Variants in LPP observed in about 807,000 individuals in gnomAD.
The protein encoded by LPP is LIM domain containing preferred translocation partner in lipoma, also known as lipoma-preferred partner.
In LPP, 38 loss-of-function variants were observed where a neutral mutation model predicts 60.4. The ratio of observed to expected loss-of-function variants is 0.63; its 90% CI spans 0.49 to 0.83. The LOEUF (loss-of-function observed/expected upper bound fraction) is 0.83, where lower values mean the gene tolerates loss of function less well. Ranked by LOEUF, LPP falls within the 40% of genes least tolerant of loss-of-function variation. The pLI is 0.00. For missense variants in LPP, 902 were observed against 783.6 expected, an observed-to-expected ratio of 1.15 and a Z score of -1.80; for synonymous variants, 328 against 290.8, an observed-to-expected ratio of 1.13 and a Z score of -1.30.
In LPP at chr3:188,420,651, C is replaced by G. The variant is rs558819595; in HGVS notation, c.193+14338C>G. On this transcript the variant is annotated intron_variant, in intron 4 of 11. Transcript: ENST00000617246. ...AAAGCATTCACAACACCATCAGACC[C>G]TCGAAGAGATTCTTAACTTACCCAT... is the stretch of plus-strand genomic sequence containing the variant. 2.6e-5 allele frequency among the ~76,000 whole-genome samples: 4 copies of G among 152,204 alleles called. 1 individual carries two copies. In the South Asian group the frequency reaches 8.3e-4, roughly 32 times the overall value.
intron 7 of LPP, among the ~76,000 whole-genome samples, chr3:188,705,710 G>A (rs190533428): frequency 2.6e-5 from 4 of 151,984 alleles, no homozygotes; most frequent in Admixed American, 2.0e-4. Flanking sequence ...CTGTACCACC[G>A]GGTTCAAGCG....
At chr3:188,813,187 T>G (rs943399051) in intron 9 of LPP, among the ~76,000 whole-genome samples, 10 of 152,168 alleles carry the variant, frequency 6.6e-5, no homozygotes, top group Non-Finnish European at 1.3e-4. Flanking sequence ...TAAATTGTAC[T>G]CCATGTATAT....
At chr3:188,676,303 G>A (rs1015640124) in intron 7 of LPP, among the ~76,000 whole-genome samples, 2 of 152,026 alleles carry the variant, frequency 1.3e-5, no homozygotes, top group Admixed American at 6.6e-5. Flanking sequence ...GTAAATAAAG[G>A]GCAGCCAGCG....
chr3:188,777,178 G>T (rs1400345420), intron 9 of LPP, among the ~76,000 whole-genome samples: 1 of 152,074 alleles, frequency 6.6e-6, no homozygotes, highest in Non-Finnish European at 1.5e-5. Flanking sequence ...ATCCTACAAG[G>T]CAAGTGTTAT....
intron 3 of LPP, among the ~76,000 whole-genome samples, chr3:188,394,212 A>T (rs1046334609): frequency 1.3e-5 from 2 of 152,230 alleles, no homozygotes; most frequent in Admixed American, 1.3e-4. Flanking sequence ...GGAAACAAAT[A>T]AATTACCTGA....
chr3:188,479,817 T>C (rs2149611507), intron 4 of LPP, among the ~76,000 whole-genome samples: 1 of 152,378 alleles, frequency 6.6e-6, no homozygotes, highest in East Asian at 1.9e-4. Flanking sequence ...TTCTTTGTTT[T>C]CTTTTTGTAC....
At chr3:188,830,698 A>C (rs1756937951) in intron 9 of LPP, among the ~76,000 whole-genome samples, 1 of 152,206 alleles carries the variant, frequency 6.6e-6, no homozygotes. Flanking sequence ...TTTTGGGACA[A>C]CTTTCTATAC....
chr3:188,447,500 C>T (rs1795506923), intron 4 of LPP, among the ~76,000 whole-genome samples: 1 of 150,996 alleles, frequency 6.6e-6, no homozygotes, highest in African/African-American at 2.4e-5. Context: ...ATCCCAACTA[C>T]TCAAGAAGCT....
chr3:188,786,253 G>A (rs1039544691), intron 9 of LPP, among the ~76,000 whole-genome samples: 9 of 151,528 alleles, frequency 5.9e-5, no homozygotes. Context: ...CATGGTGGCG[G>A]GTGCCTATAA....
chr3:188,453,314 T>C (rs747135952), intron 4 of LPP, among the ~76,000 whole-genome samples: 1 of 152,114 alleles, frequency 6.6e-6, no homozygotes, highest in Non-Finnish European at 1.5e-5. Flanking sequence ...GGCTTTTTTG[T>C]TTGTTTGAGA....
chr3:188,540,816 C>G (rs1824957357), intron 6 of LPP, among the ~76,000 whole-genome samples: 1 of 152,176 alleles, frequency 6.6e-6, no homozygotes, highest in Admixed American at 6.5e-5. Flanking sequence ...AAATTTGGCC[C>G]ATGATGTCCC....
intron 9 of LPP, among the ~76,000 whole-genome samples, chr3:188,782,584 C>T (rs1340468861): frequency 1.3e-5 from 2 of 151,886 alleles, no homozygotes; most frequent in Admixed American, 1.3e-4. Flanking sequence ...AGAGATTTAC[C>T]CTGAAGATAC....
At chr3:188,482,091 G>T (rs1248444130) in intron 4 of LPP, among the ~76,000 whole-genome samples, 1 of 152,110 alleles carries the variant, frequency 6.6e-6, no homozygotes, top group Non-Finnish European at 1.5e-5. Context: ...TTATATGGCA[G>T]TTCCCCCTTC....
At chr3:188,283,765 G>T (rs1230614861) in intron 2 of LPP, among the ~76,000 whole-genome samples, 2 of 152,012 alleles carry the variant, frequency 1.3e-5, no homozygotes, top group African/African-American at 2.4e-5. Flanking sequence ...AGGAAGGGTT[G>T]TCAGGAGTTC....
intron 7 of LPP, among the ~76,000 whole-genome samples, chr3:188,653,768 A>T (rs186596146): frequency 4.1e-4 from 62 of 152,126 alleles, no homozygotes; most frequent in African/African-American, 1.4e-3. Context: ...TTGCATTTTG[A>T]TCTTTTTATC....
chr3:188,506,077 T>C (rs1813372479), intron 5 of LPP, among the ~76,000 whole-genome samples: 1 of 152,158 alleles, frequency 6.6e-6, no homozygotes, highest in African/African-American at 2.4e-5. Flanking sequence ...CATATCCTCA[T>C]TTTTAGAAGC....
rs116122650 is a variant in LPP, at chr3:188,505,579, A to G, written c.307-19086A>G. On this transcript the variant is annotated intron_variant, in intron 5 of 11. Transcript: ENST00000617246. ...ACACCTGCCTTTTCACTTTCAATGT[A>G]TCCCTAATTCTACTCATCATCTTAC... is the stretch of plus-strand genomic sequence containing the variant. Among the ~76,000 whole-genome samples the G allele has an allele frequency of 4.7e-3, 713 of 152,276 alleles. 9 individuals carry two copies. Among genetic ancestry groups the G allele is most frequent in the African/African-American group, 0.016 (649 of 41,548 alleles).
At position 188,352,448 on chromosome 3, in the gene LPP, G is replaced by A. The variant is rs1165028662; in HGVS notation, c.-10+10729G>A. ...CAATAGAAGCTGTTGATGTGGTCAC[G>A]TCAGTGCCTCTTCGGGAGCTGTGTG... is the stretch of plus-strand genomic sequence containing the variant. On this transcript the variant is annotated intron_variant, in intron 3 of 11. Transcript: ENST00000617246. The surrounding 1 kb of genome is among the most constrained non-coding windows in gnomAD (Gnocchi z 4.4). Among the ~76,000 whole-genome samples, 4 of 152,164 alleles carry A rather than the reference G, an allele frequency of 2.6e-5. No homozygotes were observed. The highest frequency in any genetic ancestry group is 2.1e-4 in the South Asian group (1 of 4,828).
chr3:188,374,910 G>C (rs1166852812), intron 3 of LPP, among the ~76,000 whole-genome samples: 1 of 151,358 alleles, frequency 6.6e-6, no homozygotes, highest in Non-Finnish European at 1.5e-5. Context: ...AGAGTTTTTA[G>C]CATGAAGCGT....
Sources: gnomAD v4.1 joint callset for allele counts (sites outside exome capture counted in the v4.1 genomes callset) on GRCh38, gnomAD v4.1.1 for gene constraint, Gnocchi (gnomAD v3.1) non-coding constraint, MANE v1.5 for transcripts, NCBI Gene and HGNC (gene_info 2026-07-23, HGNC 2026-07-21) for gene names.